The following CALN1 variants were observed in gnomAD, a reference collection of about 807,000 sequenced individuals.
CALN1 encodes the protein calcium-binding protein 8.
In CALN1, 17 loss-of-function variants were observed where a neutral mutation model predicts 30.6. The observed-to-expected ratio is 0.56, with a 90% CI of 0.38 to 0.83. The LOEUF is 0.83. Ranked by LOEUF, CALN1 falls within the 40% of genes least tolerant of loss-of-function variation. CALN1 has a pLI of 0.00. For synonymous variants in CALN1, 156 were observed against 131.4 expected, an observed-to-expected ratio of 1.19 and a Z score of -1.28; for missense variants, 291 against 354.9, an observed-to-expected ratio of 0.82 and a Z score of 1.45.
chr7:71,900,984 A>C (rs1484296502), intron 5 of CALN1, among the ~76,000 whole-genome samples: 1 of 152,112 alleles, frequency 6.6e-6, no homozygotes, highest in Non-Finnish European at 1.5e-5. Flanking sequence ...GACTCACATA[A>C]AAGGAGTTTC....
At position 71,965,568 on chromosome 7, in the gene CALN1, CAACA is replaced by C. The variant is rs3064969; in HGVS notation, c.501+58085_501+58088del. Among the ~76,000 whole-genome samples the C allele has an allele frequency of 7.1e-3, 1,077 of 151,812 alleles. 12 individuals are homozygous for C. Among genetic ancestry groups the C allele is most frequent in the African/African-American group, 0.021 (876 of 41,396 alleles). On this transcript the variant is annotated intron_variant, in intron 5 of 6. Transcript: ENST00000395275. ...AGAGCTGCTATTTGAAAAACAGTAA[CAACA>C]AACAAACAAACAAACAAACAAACAT...
chr7:72,277,998 T>A, intron 3 of CALN1, among the ~76,000 whole-genome samples: 1 of 82,198 alleles, frequency 1.2e-5, no homozygotes, highest in Non-Finnish European at 2.2e-5. Flanking sequence ...ATCAACCTAA[T>A]CCTCTATTCC....
chr7:72,423,546 G>A (rs1168266504), intron 1 of CALN1, among the ~76,000 whole-genome samples: 2 of 152,182 alleles, frequency 1.3e-5, no homozygotes, highest in Non-Finnish European at 2.9e-5. Context: ...GGACACAGCA[G>A]TAATAATAAC....
the CALN1 span, among the ~76,000 whole-genome samples, chr7:72,487,918 G>GA: frequency 3.3e-4 from 19 of 57,580 alleles, no homozygotes; most frequent in Admixed American, 8.2e-4. Context: ...AAGAAAGAAA[G>GA]AAGGAAGGAA....
intron 1 of CALN1, among the ~76,000 whole-genome samples, chr7:72,408,630 TGG>T (rs1806873131): frequency 6.6e-6 from 1 of 150,982 alleles, no homozygotes; most frequent in Non-Finnish European, 1.5e-5. Context: ...GATTGCATGG[TGG>T]TCATGAAAAG....
chr7:71,840,957 GAA>G (rs55849991), intron 5 of CALN1, among the ~76,000 whole-genome samples: 18 of 144,644 alleles, frequency 1.2e-4, no homozygotes, highest in Middle Eastern at 3.5e-3. Context: ...TTTTTCTTTG[GAA>G]AAAAAAAAAA....
At chr7:72,483,369 C>T in the CALN1 span, among the ~76,000 whole-genome samples, 1 of 150,214 alleles carries the variant, frequency 6.7e-6, no homozygotes, top group Non-Finnish European at 1.5e-5. Context: ...ACTGCAACCT[C>T]CATCTCCCAG....
intron 5 of CALN1, among the ~76,000 whole-genome samples, chr7:71,872,754 C>T (rs939159879): frequency 3.8e-4 from 57 of 151,862 alleles, no homozygotes; most frequent in African/African-American, 1.3e-3. Context: ...GCTGTGACTA[C>T]GGGCATGTGC....
At chr7:72,020,100 GC>G (rs1800619825) in intron 5 of CALN1, among the ~76,000 whole-genome samples, 1 of 151,890 alleles carries the variant, frequency 6.6e-6, no homozygotes, top group South Asian at 2.1e-4. Flanking sequence ...CAGTCTGTCA[GC>G]CAGGATGGAG....
chr7:72,045,071 A>G (rs1409601861), intron 4 of CALN1, among the ~76,000 whole-genome samples: 1 of 152,216 alleles, frequency 6.6e-6, no homozygotes, highest in African/African-American at 2.4e-5. Flanking sequence ...TCTCCATGCA[A>G]CTAGAAAAAG....
chr7:72,237,879 A>C (rs960822052), intron 3 of CALN1, among the ~76,000 whole-genome samples: 3 of 152,224 alleles, frequency 2.0e-5, no homozygotes, highest in Non-Finnish European at 4.4e-5. Flanking sequence ...TTACCATGGA[A>C]AATGGAAGTG....
the CALN1 span, among the ~76,000 whole-genome samples, chr7:72,491,794 C>T: frequency 6.6e-6 from 1 of 152,156 alleles, no homozygotes; most frequent in African/African-American, 2.4e-5. Context: ...GCACTTTTAT[C>T]CTCTCATTAA....
chr7:72,237,046 G>A (rs772227978), intron 3 of CALN1, among the ~76,000 whole-genome samples: 3 of 131,022 alleles, frequency 2.3e-5, no homozygotes, highest in Non-Finnish European at 3.3e-5. Context: ...ATGCAATGGT[G>A]CAATCTCAGC....
intron 5 of CALN1, among the ~76,000 whole-genome samples, chr7:71,842,744 A>AC (rs1790007568): frequency 6.6e-6 from 1 of 152,006 alleles, no homozygotes; most frequent in African/African-American, 2.4e-5. Flanking sequence ...CTGGCTTTGA[A>AC]CCCCATAACT....
intron 2 of CALN1, among the ~76,000 whole-genome samples, chr7:72,327,919 GA>G (rs1333717280): frequency 6.6e-6 from 1 of 152,118 alleles, no homozygotes; most frequent in Non-Finnish European, 1.5e-5. Context: ...GAAACTTGGA[GA>G]GTAATTTAGA....
chr7:72,036,998 T>C (rs1801840195), intron 4 of CALN1, among the ~76,000 whole-genome samples: 1 of 152,210 alleles, frequency 6.6e-6, no homozygotes, highest in Admixed American at 6.6e-5. Flanking sequence ...GTTTTAGTTT[T>C]TGTTTACTGT....
intron 1 of CALN1, among the ~76,000 whole-genome samples, chr7:72,427,846 G>A (rs904432710): frequency 6.6e-6 from 1 of 151,962 alleles, no homozygotes; most frequent in African/African-American, 2.4e-5. Context: ...TTCTCTCAGT[G>A]GTAGATCATT....
chr7:72,312,670 A>G (rs1800135286), intron 2 of CALN1, among the ~76,000 whole-genome samples: 1 of 152,184 alleles, frequency 6.6e-6, no homozygotes, highest in South Asian at 2.1e-4. Flanking sequence ...TCAAAGAAAG[A>G]AGGACAATGG....
chr7:72,168,571 G>T (rs553668907), intron 3 of CALN1, among the ~76,000 whole-genome samples: 1 of 152,184 alleles, frequency 6.6e-6, no homozygotes, highest in African/African-American at 2.4e-5. Context: ...GCACCCATCT[G>T]TCTCTTCCAA....
Sources: allele counts gnomAD v4.1 joint callset (sites outside exome capture counted in the v4.1 genomes callset), GRCh38; gene constraint gnomAD v4.1.1; transcripts MANE v1.5; gene names NCBI Gene and HGNC (gene_info 2026-07-23, HGNC 2026-07-21).